Variants in EPHA5 observed in about 807,000 individuals in gnomAD.
The protein encoded by EPHA5 is EPH receptor A5.
In EPHA5, 60 loss-of-function variants were observed where a neutral mutation model predicts 105.0. The ratio of observed to expected loss-of-function variants is 0.57; its 90% CI spans 0.46 to 0.71. EPHA5 has a LOEUF of 0.71. EPHA5 is among the 30% of genes least tolerant of loss of function. EPHA5 has a pLI of 0.00. For missense variants in EPHA5, 1,218 were observed against 1,274.7 expected, an observed-to-expected ratio of 0.96 and a Z score of 0.68; for synonymous variants, 513 against 449.1, an observed-to-expected ratio of 1.14 and a Z score of -1.80.
At chr4:65,434,538 C>A (rs1725294374) in intron 5 of EPHA5, among the ~76,000 whole-genome samples, 1 of 152,028 alleles carries the variant, frequency 6.6e-6, no homozygotes, top group Non-Finnish European at 1.5e-5. Context: ...ACATAGTTAG[C>A]AAATTAATAT....
intron 3 of EPHA5, among the ~76,000 whole-genome samples, chr4:65,531,947 A>G (rs1171550197): frequency 6.6e-6 from 1 of 152,210 alleles, no homozygotes; most frequent in Non-Finnish European, 1.5e-5. Context: ...GTATTAAATA[A>G]GGCCATGTGT....
chr4:65,636,079 TA>T (rs2149499777), intron 2 of EPHA5, among the ~76,000 whole-genome samples: 1 of 152,318 alleles, frequency 6.6e-6, no homozygotes, highest in African/African-American at 2.4e-5. Context: ...GAGATTTATA[TA>T]AAACAAGACT....
At chr4:65,390,447 C>T (rs1025818016) in intron 8 of EPHA5, among the ~76,000 whole-genome samples, 3 of 152,012 alleles carry the variant, frequency 2.0e-5, no homozygotes, top group Non-Finnish European at 2.9e-5. Context: ...TCTGGTGTTT[C>T]TCTGATGGCC....
At chr4:65,588,923 C>T (rs1011633200) in intron 3 of EPHA5, among the ~76,000 whole-genome samples, 4 of 152,098 alleles carry the variant, frequency 2.6e-5, no homozygotes, top group East Asian at 1.9e-4. Context: ...AAACAAAAGA[C>T]CCCAGCACTT....
At chr4:65,454,442 A>T (rs1242396006) in intron 5 of EPHA5, among the ~76,000 whole-genome samples, 1 of 152,184 alleles carries the variant, frequency 6.6e-6, no homozygotes, top group Non-Finnish European at 1.5e-5. Context: ...GACAAATGTC[A>T]ATGCATGAAA....
At chr4:65,523,391 A>G (rs780496492) in intron 3 of EPHA5, among the ~76,000 whole-genome samples, 2 of 151,966 alleles carry the variant, frequency 1.3e-5, no homozygotes, top group South Asian at 2.1e-4. Flanking sequence ...TTGATATTTC[A>G]TCTCTCTTTG....
intron 5 of EPHA5, among the ~76,000 whole-genome samples, chr4:65,483,919 C>A (rs1041996599): frequency 1.3e-5 from 2 of 151,912 alleles, no homozygotes; most frequent in Non-Finnish European, 2.9e-5. Context: ...CAACTAGAGC[C>A]GTCATAAAGA....
At chr4:65,571,214 G>A (rs529398197) in intron 3 of EPHA5, among the ~76,000 whole-genome samples, 2 of 152,032 alleles carry the variant, frequency 1.3e-5, no homozygotes, top group Non-Finnish European at 1.5e-5. Flanking sequence ...AAAAATGTGA[G>A]TAGGGGAGAC....
rs115637574 is a variant in EPHA5 at position 65,634,921 on chromosome 4, G to C, written c.246+8442C>G. On this transcript the variant is annotated intron_variant, in intron 2 of 16. Coordinates refer to ENST00000613740, the MANE Select transcript of EPHA5 (RefSeq NM_001281766.3). Reference sequence around the variant, plus strand: ...AATACGAGATCAGCAGAGTTCAAATGCTTCTCCTTATTCTTGCCTTTAATT... The same window carrying C: ...AATACGAGATCAGCAGAGTTCAAATCCTTCTCCTTATTCTTGCCTTTAATT... Among the ~76,000 whole-genome samples, 1,230 of 151,966 alleles carry C rather than the reference G, an allele frequency of 8.1e-3. 20 individuals are homozygous for C. The highest frequency in any genetic ancestry group is 0.028 in the African/African-American group (1,153 of 41,426).
chr4:65,497,302 C>T (rs1732040256), intron 3 of EPHA5, among the ~76,000 whole-genome samples: 1 of 151,972 alleles, frequency 6.6e-6, no homozygotes, highest in Non-Finnish European at 1.5e-5. Context: ...AGGCTCTCTG[C>T]CATCACCATG....
At chr4:65,476,770 G>T (rs1466213410) in intron 5 of EPHA5, among the ~76,000 whole-genome samples, 1 of 151,836 alleles carries the variant, frequency 6.6e-6, no homozygotes, top group African/African-American at 2.4e-5. Flanking sequence ...AACTAAGTAG[G>T]CTAAGACCAG....
chr4:65,618,540 G>C (rs1382785142), intron 2 of EPHA5, among the ~76,000 whole-genome samples: 1 of 152,086 alleles, frequency 6.6e-6, no homozygotes, highest in African/African-American at 2.4e-5. Context: ...CACTCTACAG[G>C]ATGATCAAGG....
In EPHA5 at chr4:65,506,951, T is replaced by A. The variant is rs562137747; in HGVS notation, c.911-11408A>T. 3.7e-3 allele frequency among the ~76,000 whole-genome samples: 570 copies of A among 152,088 alleles called. 5 individuals carry two copies. The highest frequency in any genetic ancestry group is 0.013 in the African/African-American group (544 of 41,340). On this transcript the variant is annotated intron_variant, in intron 3 of 16. Transcript: ENST00000613740. Reference sequence around the variant, plus strand: ...CATGAAGTCCTTGCCCATGCCTATGTCCTGAACGGTATTGCCTAGGTTTTC... The same window carrying A: ...CATGAAGTCCTTGCCCATGCCTATGACCTGAACGGTATTGCCTAGGTTTTC...
intron 14 of EPHA5, among the ~76,000 whole-genome samples, chr4:65,345,375 G>A (rs925147629): frequency 1.3e-5 from 2 of 152,226 alleles, no homozygotes; most frequent in East Asian, 1.9e-4. Flanking sequence ...AAAGAAGAAT[G>A]CTATGAAATC....
intron 2 of EPHA5, among the ~76,000 whole-genome samples, chr4:65,630,744 C>T (rs750490279): frequency 3.9e-5 from 6 of 152,178 alleles, no homozygotes; most frequent in South Asian, 4.1e-4. Flanking sequence ...ACAGATTCGC[C>T]GCTGGTAACA....
chr4:65,467,044 T>G (rs1728788213), intron 5 of EPHA5, among the ~76,000 whole-genome samples: 1 of 152,156 alleles, frequency 6.6e-6, no homozygotes, highest in Admixed American at 6.5e-5. Context: ...ACAAAAGAAG[T>G]GGTTATTTAA....
intron 8 of EPHA5, among the ~76,000 whole-genome samples, chr4:65,384,023 A>G (rs1346659614): frequency 2.0e-5 from 3 of 151,882 alleles, no homozygotes; most frequent in Admixed American, 2.0e-4. Context: ...TTATTTTTCA[A>G]AAATCGGTTT....
chr4:65,339,100 T>G (rs2148820130), intron 14 of EPHA5, among the ~76,000 whole-genome samples: 1 of 152,288 alleles, frequency 6.6e-6, no homozygotes, highest in South Asian at 2.1e-4. Context: ...GCATGTAAAC[T>G]GATAGTCTGA....
chr4:65,421,113 T>C (rs1011639952), intron 5 of EPHA5, among the ~76,000 whole-genome samples: 3 of 152,094 alleles, frequency 2.0e-5, no homozygotes, highest in Admixed American at 2.0e-4. Context: ...AATAAACTTT[T>C]TTTATTCTCG....
Sources: gnomAD v4.1 joint callset for allele counts (sites outside exome capture counted in the v4.1 genomes callset) on GRCh38, gnomAD v4.1.1 for gene constraint, MANE v1.5 for transcripts, NCBI Gene and HGNC (gene_info 2026-07-23, HGNC 2026-07-21) for gene names.